Variants in RNGTT observed in about 807,000 individuals in gnomAD.
RNGTT encodes mRNA-capping enzyme.
RNGTT carries 33 observed loss-of-function variants against 79.3 expected under a neutral mutation model. The ratio of observed to expected loss-of-function variants is 0.42; its 90% CI spans 0.32 to 0.56. RNGTT has a LOEUF of 0.56. Among genes scored for constraint, RNGTT ranks in the 20% least tolerant of loss-of-function variants. The pLI is 0.17. For synonymous variants in RNGTT, 222 were observed against 235.9 expected, an observed-to-expected ratio of 0.94 and a Z score of 0.54; for missense variants, 497 against 739.1, an observed-to-expected ratio of 0.67 and a Z score of 3.80.
intron 13 of RNGTT, among the ~76,000 whole-genome samples, chr6:88,700,069 T>C (rs1293189165): frequency 6.6e-6 from 1 of 152,152 alleles, no homozygotes; most frequent in Non-Finnish European, 1.5e-5. Flanking sequence ...CAATGCTGAA[T>C]AGTAGGCTGT....
At position 88,627,810 on chromosome 6, in the gene RNGTT, C is replaced by T. The variant is rs55764940; in HGVS notation, c.1507-13415G>A. 5.6e-3 allele frequency among the ~76,000 whole-genome samples: 846 copies of T among 152,174 alleles called. 8 individuals are homozygous for T. Among genetic ancestry groups the T allele is most frequent in the African/African-American group, 0.019 (778 of 41,528 alleles). ...TCTTTAGTTTAGCAAAAAATGTTCT[C>T]GTGGTGATCTGGACTCACCTGAGCA... On this transcript the variant is annotated intron_variant, in intron 14 of 15. Coordinates refer to ENST00000369485, the MANE Select transcript of RNGTT (RefSeq NM_003800.5).
chr6:88,725,169 G>C (rs1221115770), intron 13 of RNGTT, among the ~76,000 whole-genome samples: 1 of 152,232 alleles, frequency 6.6e-6, no homozygotes, highest in Non-Finnish European at 1.5e-5. Context: ...GGCGGTCTCT[G>C]GTTGTCTCTC....
At chr6:88,892,827 T>C (rs749192449) in intron 6 of RNGTT, among the ~76,000 whole-genome samples, 7 of 152,086 alleles carry the variant, frequency 4.6e-5, no homozygotes, top group Non-Finnish European at 8.8e-5. Flanking sequence ...TCTGAGCCAC[T>C]TGAGAAAAGA....
At chr6:88,752,472 C>T (rs188174450) in intron 13 of RNGTT, among the ~76,000 whole-genome samples, 3 of 152,094 alleles carry the variant, frequency 2.0e-5, no homozygotes, top group Admixed American at 2.0e-4. Context: ...CAAACTATAA[C>T]AAATTGCTAA....
chr6:88,803,919 T>C (rs185254613), intron 11 of RNGTT, among the ~76,000 whole-genome samples: 130 of 152,322 alleles, frequency 8.5e-4, no homozygotes, highest in East Asian at 3.3e-3. Context: ...ACTCTTTTTA[T>C]AAATCAGAGT....
chr6:88,756,446 C>T (rs1778020402), intron 13 of RNGTT, among the ~76,000 whole-genome samples: 1 of 152,218 alleles, frequency 6.6e-6, no homozygotes, highest in East Asian at 1.9e-4. Flanking sequence ...GCATGCCAGC[C>T]TGGGTGACAG....
intron 4 of RNGTT, among the ~76,000 whole-genome samples, chr6:88,921,325 A>T (rs991607358): frequency 9.1e-4 from 139 of 152,196 alleles, no homozygotes; most frequent in African/African-American, 3.1e-3. Flanking sequence ...TCTTTAAAAA[A>T]AAAAAAAGTA....
chr6:88,706,792 C>T (rs1776143358), intron 13 of RNGTT, among the ~76,000 whole-genome samples: 1 of 151,926 alleles, frequency 6.6e-6, no homozygotes, highest in South Asian at 2.1e-4. Flanking sequence ...ATTAAATTAC[C>T]TATATAAAAA....
intron 12 of RNGTT, among the ~76,000 whole-genome samples, chr6:88,784,445 C>G (rs1779164198): frequency 6.6e-6 from 1 of 152,006 alleles, no homozygotes; most frequent in Non-Finnish European, 1.5e-5. Flanking sequence ...AACCAGGCTT[C>G]CTCAAGGAAG....
chr6:88,786,908 C>T (rs1189531089), intron 12 of RNGTT, among the ~76,000 whole-genome samples: 1 of 152,092 alleles, frequency 6.6e-6, no homozygotes, highest in South Asian at 2.1e-4. Flanking sequence ...GAATGAGACT[C>T]CTACCCTTAG....
intron 11 of RNGTT, among the ~76,000 whole-genome samples, chr6:88,828,364 C>T (rs957622841): frequency 6.6e-6 from 1 of 152,118 alleles, no homozygotes; most frequent in Non-Finnish European, 1.5e-5. Flanking sequence ...AAAAGGACAG[C>T]CACTCAGAAA....
chr6:88,674,472 A>C (rs1009151989), intron 14 of RNGTT, among the ~76,000 whole-genome samples: 2 of 152,110 alleles, frequency 1.3e-5, no homozygotes, highest in African/African-American at 4.8e-5. Context: ...CTGAGAGGCC[A>C]ACGCTGCAGT....
intron 1 of RNGTT, among the ~76,000 whole-genome samples, chr6:88,953,610 G>C (rs1012294903): frequency 6.6e-6 from 1 of 152,066 alleles, no homozygotes; most frequent in East Asian, 1.9e-4. Context: ...CCAAATACAA[G>C]AAGTTCAAAG....
At chr6:88,896,507 G>A (rs1182373450) in intron 6 of RNGTT, among the ~76,000 whole-genome samples, 1 of 152,140 alleles carries the variant, frequency 6.6e-6, no homozygotes, top group African/African-American at 2.4e-5. Context: ...AGCCAATCTT[G>A]AGAGACAGAG....
At chr6:88,707,980 G>C (rs1342678843) in intron 13 of RNGTT, among the ~76,000 whole-genome samples, 4 of 151,864 alleles carry the variant, frequency 2.6e-5, no homozygotes, top group Admixed American at 6.6e-5. Context: ...AAGTAGACAA[G>C]CAGAAGCACT....
At chr6:88,875,718 A>G (rs1440457531) in intron 8 of RNGTT, among the ~76,000 whole-genome samples, 2 of 152,242 alleles carry the variant, frequency 1.3e-5, no homozygotes, top group African/African-American at 4.8e-5. Flanking sequence ...ATACACATTA[A>G]GTGTTCAACA....
intron 8 of RNGTT, among the ~76,000 whole-genome samples, chr6:88,877,139 T>C (rs540149526): frequency 6.6e-6 from 1 of 152,362 alleles, no homozygotes; most frequent in African/African-American, 2.4e-5. Context: ...GCAATAACTA[T>C]ACCACACCCT....
At chr6:88,744,658 T>C (rs1777602655) in intron 13 of RNGTT, among the ~76,000 whole-genome samples, 2 of 150,714 alleles carry the variant, frequency 1.3e-5, no homozygotes, top group South Asian at 4.3e-4. Context: ...TTTCTGCTAT[T>C]ACATATGAAT....
At chr6:88,943,155 C>T (rs1160969315) in intron 1 of RNGTT, among the ~76,000 whole-genome samples, 1 of 152,172 alleles carries the variant, frequency 6.6e-6, no homozygotes, top group African/African-American at 2.4e-5. Flanking sequence ...TCAAATCACT[C>T]CCTTAACTCT....
Sources: gnomAD v4.1 joint callset for allele counts (sites outside exome capture counted in the v4.1 genomes callset) on GRCh38, gnomAD v4.1.1 for gene constraint, MANE v1.5 for transcripts, NCBI Gene and HGNC (gene_info 2026-07-23, HGNC 2026-07-21) for gene names.